MYRIP: variants seen among roughly 807,000 people sequenced by gnomAD.
The protein encoded by MYRIP is myosin VIIA and Rab interacting protein.
A neutral mutation model predicts 98.0 loss-of-function variants in MYRIP; 49 were observed. The ratio of observed to expected loss-of-function variants is 0.50; its 90% CI spans 0.40 to 0.63. The LOEUF is 0.63. Among genes scored for constraint, MYRIP ranks in the 30% least tolerant of loss-of-function variants. The pLI, the probability that MYRIP is intolerant of heterozygous loss-of-function variation, is 0.00. For synonymous variants in MYRIP, 404 were observed against 409.5 expected, an observed-to-expected ratio of 0.99 and a Z score of 0.16; for missense variants, 1,004 against 1,058.2, an observed-to-expected ratio of 0.95 and a Z score of 0.71.
intron 1 of MYRIP, among the ~76,000 whole-genome samples, chr3:39,870,717 C>G (rs1326169284): frequency 6.6e-6 from 1 of 152,178 alleles, no homozygotes; most frequent in African/African-American, 2.4e-5. Context: ...CGCCCTTTCT[C>G]TGTAGTTAAC....
At chr3:39,951,816 A>C (rs879080200) in intron 2 of MYRIP, among the ~76,000 whole-genome samples, 4 of 152,152 alleles carry the variant, frequency 2.6e-5, no homozygotes, top group Non-Finnish European at 5.9e-5. Context: ...TGCTTCTCTC[A>C]TAGACAGGGA....
chr3:40,125,006 C>A (rs1246462094), intron 3 of MYRIP, among the ~76,000 whole-genome samples: 1 of 152,174 alleles, frequency 6.6e-6, no homozygotes, highest in Admixed American at 6.5e-5. Context: ...CAGATTCCTC[C>A]TCTGTGAAGT....
intron 1 of MYRIP, among the ~76,000 whole-genome samples, chr3:39,892,917 T>G (rs1197640590): frequency 6.6e-6 from 1 of 152,202 alleles, no homozygotes; most frequent in African/African-American, 2.4e-5. Context: ...GTCAGCACGC[T>G]GCTTTTCTTT....
intron 2 of MYRIP, among the ~76,000 whole-genome samples, chr3:39,995,870 G>C (rs1034923450): frequency 9.9e-5 from 15 of 152,148 alleles, no homozygotes; most frequent in African/African-American, 3.6e-4. Flanking sequence ...GAAGAGAGTG[G>C]GGGCCAATAT....
At position 39,974,852 on chromosome 3, in the gene MYRIP, C is replaced by A. The variant is rs1945703470; in HGVS notation, c.111-69198C>A. Among the ~76,000 whole-genome samples the A allele has an allele frequency of 2.0e-5, 3 of 152,106 alleles. No individual in the cohort carries two copies. In the South Asian group the frequency reaches 6.2e-4, roughly 32 times the overall value. On this transcript the variant is annotated intron_variant, in intron 2 of 16. Coordinates refer to ENST00000302541, the MANE Select transcript of MYRIP (RefSeq NM_015460.4). ...AGGCCTTCGAAAAAATTCAACAACC[C>A]TTCATGCTAAAAACTCTCAATAAAT...
rs1952742409 is a variant in MYRIP, at chr3:40,233,968, T to C, written c.2015T>C (p.Val672Ala). 1 of 1,613,434 alleles carries C rather than the reference T, an allele frequency of 6.2e-7. No individual in the cohort carries two copies. The highest frequency in any genetic ancestry group is 8.5e-7 in the Non-Finnish European group (1 of 1,179,850). ...GSTGPWESPQ[V>A]PPDRQKGMFP... ...ACAGGGCCCTGGGAGTCCCCACAAG[T>C]CCCTCCTGACAGACAGAAGGGGATG... The change falls in exon 12 of 17, where the codon GTC becomes GCC. Residue 672 changes from valine to alanine, a missense_variant. By Grantham distance (64) the Val-to-Ala change is moderately conservative. Transcript: ENST00000302541.
At chr3:40,046,025 G>T (rs139846234) in intron 3 of MYRIP, among the ~76,000 whole-genome samples, 2 of 152,256 alleles carry the variant, frequency 1.3e-5, no homozygotes, top group East Asian at 3.9e-4. Context: ...TTCTAAAGTA[G>T]ATCAGTTGAG....
intron 3 of MYRIP, among the ~76,000 whole-genome samples, chr3:40,090,444 G>A (rs764107454): frequency 6.6e-6 from 1 of 152,174 alleles, no homozygotes; most frequent in Non-Finnish European, 1.5e-5. Flanking sequence ...GTGACCATCT[G>A]GTGTGGGGTG....
At chr3:40,179,842 T>C (rs1035274202) in intron 8 of MYRIP, among the ~76,000 whole-genome samples, 3 of 152,128 alleles carry the variant, frequency 2.0e-5, no homozygotes, top group African/African-American at 7.2e-5. Context: ...ACCTAGCCAA[T>C]CCCAAGGTAC....
At chr3:40,148,630 A>G (rs1950056695) in intron 3 of MYRIP, among the ~76,000 whole-genome samples, 1 of 152,210 alleles carries the variant, frequency 6.6e-6, no homozygotes, top group Non-Finnish European at 1.5e-5. Context: ...TGTTGCATGG[A>G]TGCAGTATCT....
chr3:40,079,174 C>T (rs1166073529), intron 3 of MYRIP, among the ~76,000 whole-genome samples: 2 of 152,144 alleles, frequency 1.3e-5, no homozygotes, highest in African/African-American at 2.4e-5. Context: ...GTTGACTGTT[C>T]GAAGATCACA....
chr3:39,875,229 C>T (rs1396188412), intron 1 of MYRIP, among the ~76,000 whole-genome samples: 2 of 152,040 alleles, frequency 1.3e-5, no homozygotes, highest in African/African-American at 4.8e-5. Context: ...ATTCTTCTCT[C>T]TTTTCTTCTT....
At chr3:40,031,873 C>T (rs1439116998) in intron 2 of MYRIP, among the ~76,000 whole-genome samples, 1 of 151,964 alleles carries the variant, frequency 6.6e-6, no homozygotes, top group African/African-American at 2.4e-5. Context: ...TTTGATTCTT[C>T]TCTCTTTTCT....
intron 2 of MYRIP, 40 bp downstream of exon 2, chr3:39,900,966 C>T: frequency 6.7e-7 from 1 of 1,482,602 alleles, no homozygotes; most frequent in Non-Finnish European, 9.4e-7. Flanking sequence ...CAGCAAACCA[C>T]ATGTGGACAA....
intron 3 of MYRIP, among the ~76,000 whole-genome samples, chr3:40,137,826 A>G (rs915663432): frequency 6.6e-6 from 1 of 152,200 alleles, no homozygotes; most frequent in African/African-American, 2.4e-5. Context: ...TAAATCAATG[A>G]ACCAAGGTTG....
chr3:39,917,700 A>C (rs1051822806), intron 2 of MYRIP, among the ~76,000 whole-genome samples: 1 of 143,056 alleles, frequency 7.0e-6, no homozygotes, highest in Non-Finnish European at 1.5e-5. Context: ...TTATTGTCAT[A>C]TGCCTAACTC....
intron 1 of MYRIP, among the ~76,000 whole-genome samples, chr3:39,830,330 A>G (rs2125583654): frequency 6.6e-6 from 1 of 152,290 alleles, no homozygotes; most frequent in East Asian, 1.9e-4. Flanking sequence ...AAGAACTTAC[A>G]GTTAACTGGC....
chr3:40,091,774 A>T (rs2125883365), intron 3 of MYRIP, among the ~76,000 whole-genome samples: 1 of 152,264 alleles, frequency 6.6e-6, no homozygotes, highest in South Asian at 2.1e-4. Flanking sequence ...AGACTGCAGG[A>T]TTCTTGTCCA....
intron 4 of MYRIP, among the ~76,000 whole-genome samples, chr3:40,153,805 C>A (rs542649001): frequency 1.3e-5 from 2 of 152,312 alleles, no homozygotes; most frequent in South Asian, 4.1e-4. Context: ...CTTTCACCTA[C>A]AGAACGTCTT....
Sources: gnomAD v4.1 joint callset for allele counts (sites outside exome capture counted in the v4.1 genomes callset) on GRCh38, gnomAD v4.1.1 for gene constraint, MANE v1.5 for transcripts, NCBI Gene and HGNC (gene_info 2026-07-23, HGNC 2026-07-21) for gene names.